The following DAPK2 variants were observed in gnomAD, a reference collection of about 807,000 sequenced individuals.
The protein encoded by DAPK2 is death associated protein kinase 2.
In DAPK2, 35 loss-of-function variants were observed where a neutral mutation model predicts 44.1. The ratio of observed to expected loss-of-function variants is 0.79; its 90% CI spans 0.61 to 1.05. DAPK2 has a LOEUF of 1.05. DAPK2 is among the 50% of genes least tolerant of loss of function. The probability of loss-of-function intolerance (pLI) is 0.00; values close to 1 mark genes in which losing one functional copy is unlikely to be tolerated. For synonymous variants in DAPK2, 174 were observed against 182.6 expected (o/e 0.95, Z 0.38); for missense variants, 453 against 483.2 (o/e 0.94, Z 0.59).
At chr15:63,998,988 C>T (rs1227231544) in intron 1 of DAPK2, among the ~76,000 whole-genome samples, 1 of 152,196 alleles carries the variant, frequency 6.6e-6, no homozygotes, top group Non-Finnish European at 1.5e-5. Context: ...TATATATTGA[C>T]TCTCCTGTGC....
chr15:64,001,368 G>T (rs2079081150), intron 1 of DAPK2, among the ~76,000 whole-genome samples: 1 of 152,082 alleles, frequency 6.6e-6, no homozygotes, highest in South Asian at 2.1e-4. Flanking sequence ...CGTATGTGAT[G>T]GTGTAATCTC....
intron 6 of DAPK2, 81 bp from the exon 8 acceptor site, chr15:63,926,174 C>T: frequency 2.0e-6 from 3 of 1,496,604 alleles, no homozygotes; most frequent in Non-Finnish European, 2.7e-6. Context: ...AACCCTGCCC[C>T]ATGACTGCTG....
intron 3 of DAPK2, among the ~76,000 whole-genome samples, chr15:63,963,240 A>G (rs750716302): frequency 6.6e-6 from 1 of 151,950 alleles, no homozygotes; most frequent in Non-Finnish European, 1.5e-5. Flanking sequence ...TTTTCCAGGT[A>G]CCATCTGTCA....
chr15:64,035,553 A>C (rs1407864127), intron 1 of DAPK2, among the ~76,000 whole-genome samples: 1 of 152,082 alleles, frequency 6.6e-6, no homozygotes, highest in Non-Finnish European at 1.5e-5. Flanking sequence ...ACCAGACCCC[A>C]CCCTGGTTCT....
intron 1 of DAPK2, among the ~76,000 whole-genome samples, chr15:63,989,658 T>A (rs1229427342): frequency 6.6e-6 from 1 of 152,132 alleles, no homozygotes; most frequent in African/African-American, 2.4e-5. Flanking sequence ...GATTTATTTA[T>A]ACATACATAC....
intron 1 of DAPK2, among the ~76,000 whole-genome samples, chr15:63,988,778 T>G (rs916231761): frequency 1.3e-4 from 20 of 152,000 alleles, no homozygotes; most frequent in Non-Finnish European, 2.9e-5. Flanking sequence ...AGTGCTGGGA[T>G]TACAGGCATG....
Position 63,974,149 on chromosome 15 carries a change from G to A in DAPK2, c.315-2588C>T, listed in dbSNP as rs1005449731. On this transcript the variant is annotated intron_variant, in intron 2 of 10. Transcript: ENST00000261891. ...TGACAGAGCAAAAAAAATCTCCCCTGAGATTTAGAATTGCCAGATAAAATA... is the reference window on the plus strand; with the variant it reads ...TGACAGAGCAAAAAAAATCTCCCCTAAGATTTAGAATTGCCAGATAAAATA... Among the ~76,000 whole-genome samples the A allele has an allele frequency of 2.1e-4, 32 of 152,280 alleles. 1 individual carries two copies. The highest frequency in any genetic ancestry group is 7.2e-4 in the African/African-American group (30 of 41,562).
At chr15:64,016,689 A>G (rs1317217044) in intron 1 of DAPK2, among the ~76,000 whole-genome samples, 1 of 152,076 alleles carries the variant, frequency 6.6e-6, no homozygotes, top group Non-Finnish European at 1.5e-5. Context: ...GCCGCTTCAG[A>G]GGCTGAAGTG....
Position 63,912,341 on chromosome 15 carries a change from G to A in DAPK2, c.859-144C>T. ...CCCCGCCAGGTGGGGCACACCGTGG[G>A]AGCATCACAGTCAGGGCAACAGCTA... On this transcript the variant is annotated intron_variant, in intron 8 of 10. Transcript: ENST00000261891. The surrounding 1 kb of genome is among the most constrained non-coding windows in gnomAD (Gnocchi z 4.4). The A allele has an allele frequency of 1.4e-6, 1 of 723,982 alleles. No homozygotes were observed. Among genetic ancestry groups the A allele is most frequent in the Non-Finnish European group, 2.4e-6 (1 of 425,294 alleles). The allele number at this position is 723,982 out of a possible 1,614,324, so 44.8% of individuals were successfully genotyped here. A position where few individuals can be genotyped will look rare whatever the true frequency, so the allele number is the denominator to read the frequency against.
At chr15:64,005,411 T>C (rs2079199685) in intron 1 of DAPK2, among the ~76,000 whole-genome samples, 1 of 151,370 alleles carries the variant, frequency 6.6e-6, no homozygotes, top group East Asian at 1.9e-4. Flanking sequence ...TTACCTTTCC[T>C]TGACCTAAGT....
chr15:63,924,656 C>T (rs1334328754), intron 8 of DAPK2, 160 bp downstream of exon 9: 1 of 697,658 alleles, frequency 1.4e-6, no homozygotes, highest in Non-Finnish European at 2.5e-6. Context: ...TTCGAATAAG[C>T]CCAGGCCCTC....
intron 3 of DAPK2, chr15:63,942,184 G>A (rs868495072): frequency 6.1e-6 from 6 of 983,322 alleles, no homozygotes; most frequent in Middle Eastern, 5.2e-4. Context: ...TAAGATGGGA[G>A]TCTCCTTCCT....
chr15:64,036,309 G>GTATATATGTATA (rs1555484537), intron 1 of DAPK2, among the ~76,000 whole-genome samples: 11 of 60,524 alleles, frequency 1.8e-4, no homozygotes, highest in Non-Finnish European at 4.4e-4. Context: ...GTGTGTGTGT[G>GTATATATGTATA]TATATATATG....
intron 1 of DAPK2, among the ~76,000 whole-genome samples, chr15:64,032,744 A>C (rs2080051683): frequency 6.6e-6 from 1 of 152,168 alleles, no homozygotes; most frequent in South Asian, 2.1e-4. Context: ...TGAACCCAGG[A>C]GTTCAAGACC....
intron 1 of DAPK2, chr15:64,029,903 A>G (rs2079962346): frequency 6.6e-6 from 1 of 152,402 alleles, no homozygotes; most frequent in African/African-American, 2.4e-5. Flanking sequence ...AGACCACTGT[A>G]CTATACCGTT....
At chr15:63,938,433 T>A (rs117832631) in intron 4 of DAPK2, among the ~76,000 whole-genome samples, 5,948 of 152,348 alleles carry the variant, frequency 0.039, 155 homozygotes, top group South Asian at 0.082. Context: ...CATTCTACGG[T>A]GGCTGCAGAG....
intron 1 of DAPK2, among the ~76,000 whole-genome samples, chr15:64,001,038 C>A (rs1047997407): frequency 6.6e-6 from 1 of 152,160 alleles, no homozygotes; most frequent in East Asian, 1.9e-4. Flanking sequence ...TGCCACCACG[C>A]CCAGCTAATT....
intron 2 of DAPK2, among the ~76,000 whole-genome samples, chr15:63,976,776 A>C (rs143310309): frequency 4.6e-5 from 7 of 152,372 alleles, no homozygotes; most frequent in Admixed American, 1.3e-4. Flanking sequence ...TTGAAGACTT[A>C]GTTTGAAAAA....
At chr15:64,028,603 A>G (rs925030267) in intron 1 of DAPK2, among the ~76,000 whole-genome samples, 1 of 152,224 alleles carries the variant, frequency 6.6e-6, no homozygotes, top group Non-Finnish European at 1.5e-5. Flanking sequence ...AATGTCCTGA[A>G]TTTGTAACTG....
Sources: allele counts gnomAD v4.1 joint callset (sites outside exome capture counted in the v4.1 genomes callset), GRCh38; gene constraint gnomAD v4.1.1; non-coding constraint Gnocchi (gnomAD v3.1); transcripts MANE v1.5; gene names NCBI Gene and HGNC (gene_info 2026-07-23, HGNC 2026-07-21).